Variants in C2orf81 observed in about 807,000 individuals in gnomAD.
C2orf81 encodes the protein chromosome 2 open reading frame 81.
In C2orf81, 5 loss-of-function variants were observed where a neutral mutation model predicts 7.9. The observed-to-expected ratio is 0.63, with a 90% confidence interval of 0.33 to 1.33. The LOEUF (loss-of-function observed/expected upper bound fraction) is 1.33. Among genes scored for constraint, C2orf81 ranks in the 40% most tolerant of loss-of-function variants. The pLI is 0.05. For missense variants in C2orf81, 781 were observed against 830.4 expected, an observed-to-expected ratio of 0.94 and a Z score of 0.73; for synonymous variants, 346 against 367.4, an observed-to-expected ratio of 0.94 and a Z score of 0.66.
In C2orf81 at chr2:74,414,208, T is replaced by C. The variant is rs187294894; in HGVS notation, c.*121A>G. On this transcript the variant is annotated 3_prime_UTR_variant, in exon 3 of 3. Transcript: ENST00000684111. This position sits in a 1 kb window ranked among gnomAD's most constrained non-coding sequence, Gnocchi z 5.3. Reference sequence around the variant, plus strand: ...CTAAGGCAACTCAGGTGTTTATTTCTGGCTAGCAGAGGGAGGGACCAGTTA... The same window carrying C: ...CTAAGGCAACTCAGGTGTTTATTTCCGGCTAGCAGAGGGAGGGACCAGTTA... 8.2e-5 allele frequency: 84 copies of C among 1,024,620 alleles called. No homozygotes were observed. Among genetic ancestry groups the C allele is most frequent in the South Asian group, 3.4e-4 (12 of 35,486 alleles). The allele number at this position is 1,024,620 out of a possible 1,614,324, so 63.5% of individuals were successfully genotyped here. A position where few individuals can be genotyped will look rare whatever the true frequency, so the allele number is the denominator to read the frequency against.
chr2:74,418,004 C>T (rs1573214825), intron 1 of C2orf81: 1 of 479,596 alleles, frequency 2.1e-6, no homozygotes, highest in Non-Finnish European at 3.9e-6. Context: ...GGTGAAGGTG[C>T]AGGTGGAAGA....
Position 74,414,474 on chromosome 2 carries a change from T to A in C2orf81, c.1703A>T (p.Lys568Met). 1 of 1,551,100 alleles carries A rather than the reference T, an allele frequency of 6.4e-7. No individual in the cohort carries two copies. ...WKPVLLPEAL[K>M]LAPGVSMWNR... ...CCACATGCTCACACCAGGGGCCAGC[T>A]TCAGGGCTTCTGGCAGCAACACGGG... The change falls in exon 3 of 3, where the codon AAG becomes ATG. Residue 568 changes from lysine (K) to methionine (M), a missense_variant. Transcript: ENST00000684111. This position sits in a 1 kb window ranked among gnomAD's most constrained non-coding sequence, Gnocchi z 5.3.
At chr2:74,417,264 C>A (rs1676492352) in intron 1 of C2orf81, 2 of 720,446 alleles carry the variant, frequency 2.8e-6, no homozygotes, top group Non-Finnish European at 4.1e-6. Context: ...GGGTGAGCTC[C>A]TTGTTATTGG....
At position 74,415,641 on chromosome 2, in the gene C2orf81, T is replaced by C; in HGVS notation, c.536A>G (p.His179Arg). Reference sequence around the variant, plus strand: ...GTCCTGGGGAAATGCACTCGGGCAGTGAGATGTCGGAAAGGGGAGAGCAGG... The same window carrying C: ...GTCCTGGGGAAATGCACTCGGGCAGCGAGATGTCGGAAAGGGGAGAGCAGG... ...IAPALPFPTS[H>R]CPSAFPQDPG... Residue 179 changes from histidine to arginine, a missense_variant, in exon 3 of 3, where the codon CAC becomes CGC. Physicochemically the swap from His to Arg is conservative, Grantham distance 29. Transcript: ENST00000684111. This position sits in a 1 kb window ranked among gnomAD's most constrained non-coding sequence, Gnocchi z 5.5. The C allele has an allele frequency of 1.9e-6, 3 of 1,548,844 alleles. No individual in the cohort carries two copies. Among genetic ancestry groups the C allele is most frequent in the Non-Finnish European group, 2.6e-6 (3 of 1,144,934 alleles).
In C2orf81 at chr2:74,414,288, C is replaced by A. The variant is rs1676374232; in HGVS notation, c.*41G>T. The stretch of plus-strand genomic sequence containing the variant: ...AGGCAGCAGGCTTAGAGGAGCGTGA[C>A]CACACTTTGGGGGCTGAGTTCTTCA... On this transcript the variant is annotated 3_prime_UTR_variant, in exon 3 of 3. Coordinates refer to ENST00000684111, the MANE Select transcript of C2orf81 (RefSeq NM_001316764.3). This position sits in a 1 kb window ranked among gnomAD's most constrained non-coding sequence, Gnocchi z 5.3. The A allele has an allele frequency of 7.0e-7, 1 of 1,433,982 alleles. No homozygotes were observed. The highest frequency in any genetic ancestry group is 2.7e-5 in the Admixed American group (1 of 36,654). 88.8% of individuals were successfully genotyped at this position (1,433,982 alleles called of 1,614,324 possible). A position where few individuals can be genotyped will look rare whatever the true frequency, so the allele number is the denominator to read the frequency against.
chr2:74,419,123 G>A (rs1676539389), intron 1 of C2orf81, among the ~76,000 whole-genome samples: 1 of 151,934 alleles, frequency 6.6e-6, no homozygotes, highest in Non-Finnish European at 1.5e-5. Flanking sequence ...AGAGTTTGCA[G>A]TGAGCTGAGA....
At chr2:74,420,227 C>G (rs1676564949) in intron 1 of C2orf81, among the ~76,000 whole-genome samples, 1 of 151,924 alleles carries the variant, frequency 6.6e-6, no homozygotes, top group African/African-American at 2.4e-5. Flanking sequence ...CGTTTCCTTC[C>G]TATGCTCTTT....
At chr2:74,418,493 C>A in intron 1 of C2orf81, 1 of 1,163,268 alleles carries the variant, frequency 8.6e-7, no homozygotes, top group Non-Finnish European at 1.3e-6. Flanking sequence ...GATGGGCGAA[C>A]TCGGCCGCTG....
rs745827470 is a variant in C2orf81 at position 74,420,772 on chromosome 2, CTTTTTTTTTTTT to C, written c.18+759_18+770del. On this transcript the variant is annotated intron_variant, in intron 1 of 2. Transcript: ENST00000684111. ...CAAATCCGTTTTCTTTCTTCTTCTT[CTTTTTTTTTTTT>C]TTTTTTTTTTTTTTTTGAGACAGTC... is the stretch of plus-strand genomic sequence containing the variant. 8.0e-3 allele frequency among the ~76,000 whole-genome samples: 579 copies of C among 72,756 alleles called. 6 individuals carry two copies. The highest frequency in any genetic ancestry group is 0.031 in the African/African-American group (545 of 17,562). 47.7% of individuals were successfully genotyped at this position (72,756 alleles called of 152,430 possible).
chr2:74,420,772 CTTTTTTTTTTT>C (rs745827470), intron 1 of C2orf81, among the ~76,000 whole-genome samples: 53 of 72,708 alleles, frequency 7.3e-4, no homozygotes, highest in Non-Finnish European at 1.0e-3. Context: ...TCTTCTTCTT[CTTTTTTTTTTT>C]TTTTTTTTTT....
At chr2:74,418,500 G>A (rs1676525950) in intron 1 of C2orf81, 7 of 1,089,158 alleles carry the variant, frequency 6.4e-6, no homozygotes, top group Admixed American at 1.9e-5. Context: ...GAACTCGGCC[G>A]CTGGCCTGCG....
At position 74,415,462 on chromosome 2, in the gene C2orf81, G is replaced by T. The variant is rs1676428325; in HGVS notation, c.715C>A (p.Pro239Thr). The T allele has an allele frequency of 1.3e-6, 2 of 1,536,460 alleles. No homozygotes were observed. The highest frequency in any genetic ancestry group is 1.8e-6 in the Non-Finnish European group (2 of 1,135,920). ...ELFQEAGPGG[P>T]VEEADGQSRG... The stretch of plus-strand genomic sequence containing the variant: ...GACTGGCCGTCCGCTTCCTCTACAG[G>T]ACCTCCGGGCCCTGCCTCCTGAAAC... The change falls in exon 3 of 3, where the codon CCT becomes ACT. Residue 239 changes from proline (P) to threonine (T), a missense_variant. Physicochemically the swap from Pro to Thr is conservative, Grantham distance 38. Transcript: ENST00000684111. This position sits in a 1 kb window ranked among gnomAD's most constrained non-coding sequence, Gnocchi z 5.5.
chr2:74,416,109 T>A lies in C2orf81; in HGVS notation c.151A>T (p.Thr51Ser). 6.5e-7 allele frequency: 1 copy of A among 1,539,260 alleles called. No homozygotes were observed. The highest frequency in any genetic ancestry group is 8.8e-7 in the Non-Finnish European group (1 of 1,139,730). The part of the protein sequence containing the change: ...RLSEAEWMAL[T>S]ALEEGEDVVG... The stretch of plus-strand genomic sequence containing the variant: ...ACGTCCTCGCCCTCCTCGAGGGCTG[T>A]AAGCGCCATCCACTCGGCCTCACTG... Residue 51 changes from threonine to serine, a missense_variant, in exon 2 of 3, where the codon ACA becomes TCA. By Grantham distance (58) the Thr-to-Ser change is moderately conservative. Coordinates refer to ENST00000684111, the MANE Select transcript of C2orf81 (RefSeq NM_001316764.3).
Position 74,416,225 on chromosome 2 carries a change from ACCTGCCTCT to A in C2orf81, c.26_34del (p.Glu9_Gln11del). On this transcript the variant is annotated inframe_deletion, in exon 2 of 3. Coordinates refer to ENST00000684111, the MANE Select transcript of C2orf81 (RefSeq NM_001316764.3). ...GGACCGGGTCACCCCGCGGTCTCGG[ACCTGCCTCT>A]CCTGCCTCTGTGAGAACAAAACATG... is the stretch of plus-strand genomic sequence containing the variant. 1 of 1,379,580 alleles carries A rather than the reference ACCTGCCTCT, an allele frequency of 7.2e-7. No homozygotes were observed. The highest frequency in any genetic ancestry group is 1.2e-5 in the South Asian group (1 of 80,804). The allele number at this position is 1,379,580 out of a possible 1,614,324, so 85.5% of individuals were successfully genotyped here.
chr2:74,419,287 G>T (rs936270113), intron 1 of C2orf81, among the ~76,000 whole-genome samples: 2 of 152,172 alleles, frequency 1.3e-5, no homozygotes, highest in Admixed American at 6.5e-5. Flanking sequence ...GAGGCAGGGG[G>T]ATTGCTTGAG....
In C2orf81 at chr2:74,415,414, A is replaced by G. The variant is rs1447897995; in HGVS notation, c.763T>C (p.Ser255Pro). ...GQSRGLSSAGSLSASFQLSVE... is the reference protein window; with the variant it reads ...GQSRGLSSAGPLSASFQLSVE... Reference sequence around the variant, plus strand: ...GACAGTTGGAAGCTCGCGCTCAAGGACCCGGCCGAGGAGAGGCCTCTAGAC... The same window carrying G: ...GACAGTTGGAAGCTCGCGCTCAAGGGCCCGGCCGAGGAGAGGCCTCTAGAC... The change falls in exon 3 of 3, where the codon TCC becomes CCC. Residue 255 changes from serine to proline, a missense_variant. Transcript: ENST00000684111. The surrounding 1 kb of genome is among the most constrained non-coding windows in gnomAD (Gnocchi z 5.5). The G allele has an allele frequency of 1.2e-5, 19 of 1,529,432 alleles. No homozygotes were observed. Among genetic ancestry groups the G allele is most frequent in the Non-Finnish European group, 1.6e-5 (18 of 1,132,954 alleles). 94.7% of individuals were successfully genotyped at this position (1,529,432 alleles called of 1,614,324 possible).
At position 74,415,821 on chromosome 2, in the gene C2orf81, G is replaced by T; in HGVS notation, c.356C>A (p.Thr119Lys). 3 of 1,551,636 alleles carry T rather than the reference G, an allele frequency of 1.9e-6. No individual in the cohort carries two copies. The South Asian group carries it at 3.6e-5, about 18-fold the overall frequency. The change falls in exon 3 of 3, where the codon ACA becomes AAA. Residue 119 changes from threonine to lysine, a missense_variant. Transcript: ENST00000684111. The surrounding 1 kb of genome is among the most constrained non-coding windows in gnomAD (Gnocchi z 5.5). ...EGESAVAEDP[T>K]WGEDEEPSAC... Reference sequence around the variant, plus strand: ...CGAAGGCTCCTCGTCCTCACCCCATGTGGGGTCCTCAGCTACTGCAGATTC... The same window carrying T: ...CGAAGGCTCCTCGTCCTCACCCCATTTGGGGTCCTCAGCTACTGCAGATTC...
intron 1 of C2orf81, chr2:74,418,159 T>C: frequency 9.8e-7 from 1 of 1,017,634 alleles, no homozygotes; most frequent in Non-Finnish European, 1.5e-6. Flanking sequence ...GATGCCCTTC[T>C]CTTCCTCCTT....
At chr2:74,418,583 CT>C (rs1676528352) in intron 1 of C2orf81, 2 of 656,678 alleles carry the variant, frequency 3.0e-6, no homozygotes, top group East Asian at 2.7e-5. Context: ...GCAGCCGCCC[CT>C]GGTCGCAAAT....
Sources: allele counts gnomAD v4.1 joint callset (sites outside exome capture counted in the v4.1 genomes callset), GRCh38; gene constraint gnomAD v4.1.1; non-coding constraint Gnocchi (gnomAD v3.1); transcripts MANE v1.5; gene names NCBI Gene and HGNC (gene_info 2026-07-23, HGNC 2026-07-21).